NRXN1: variants seen among roughly 807,000 people sequenced by gnomAD.
NRXN1 encodes the protein neurexin 1.
In NRXN1, 39 loss-of-function variants were observed where a neutral mutation model predicts 150.9. The observed-to-expected ratio is 0.26, with a 90% CI of 0.20 to 0.34. The LOEUF (loss-of-function observed/expected upper bound fraction) is 0.34. Ranked by LOEUF, NRXN1 falls within the 10% of genes least tolerant of loss-of-function variation. NRXN1 has a pLI of 1.00. For missense variants in NRXN1, 1,815 were observed against 1,949.9 expected, an observed-to-expected ratio of 0.93 and a Z score of 1.30; for synonymous variants, 924 against 757.0, an observed-to-expected ratio of 1.22 and a Z score of -3.62.
chr2:50,839,200 A>C (rs947372467), intron 5 of NRXN1, among the ~76,000 whole-genome samples: 6 of 152,162 alleles, frequency 3.9e-5, no homozygotes, highest in South Asian at 2.1e-4. Flanking sequence ...CTAAGTAGCC[A>C]TGCTCCAATT....
At chr2:50,306,471 A>T (rs963016782) in intron 17 of NRXN1, among the ~76,000 whole-genome samples, 2 of 152,198 alleles carry the variant, frequency 1.3e-5, no homozygotes, top group Non-Finnish European at 2.9e-5. Context: ...TTTGTCATTC[A>T]GAGGAGAAGC....
intron 17 of NRXN1, among the ~76,000 whole-genome samples, chr2:50,350,184 C>G (rs1402339749): frequency 1.3e-5 from 2 of 152,112 alleles, no homozygotes; most frequent in African/African-American, 4.8e-5. Context: ...ATAATGACAC[C>G]TTCCTTAATA....
intron 21 of NRXN1, among the ~76,000 whole-genome samples, chr2:50,003,593 A>G (rs1465609195): frequency 6.6e-6 from 1 of 152,170 alleles, no homozygotes; most frequent in African/African-American, 2.4e-5. Flanking sequence ...AATGTTCAGT[A>G]TAAATGGGCA....
At chr2:50,739,034 T>C (rs546199165) in intron 5 of NRXN1, among the ~76,000 whole-genome samples, 55 of 152,296 alleles carry the variant, frequency 3.6e-4, no homozygotes, top group African/African-American at 1.1e-3. Context: ...GAATTCAAGA[T>C]TCTAAACTCT....
intron 17 of NRXN1, among the ~76,000 whole-genome samples, chr2:50,269,426 A>G (rs2069293876): frequency 6.6e-6 from 1 of 152,232 alleles, no homozygotes; most frequent in Non-Finnish European, 1.5e-5. Context: ...ATTTAAGTCC[A>G]TGATTACGTC....
At chr2:50,876,165 A>G (rs1251979420) in intron 5 of NRXN1, among the ~76,000 whole-genome samples, 1 of 151,868 alleles carries the variant, frequency 6.6e-6, no homozygotes, top group African/African-American at 2.4e-5. Context: ...CAAACTGTTG[A>G]AACTCAGAAG....
intron 2 of NRXN1, among the ~76,000 whole-genome samples, chr2:51,002,297 C>A (rs537753460): frequency 6.6e-6 from 1 of 152,018 alleles, no homozygotes; most frequent in African/African-American, 2.4e-5. Flanking sequence ...TTCTCTGACA[C>A]AATACACTAA....
intron 5 of NRXN1, among the ~76,000 whole-genome samples, chr2:50,837,016 G>C (rs543926017): frequency 5.9e-5 from 9 of 151,948 alleles, no homozygotes; most frequent in Non-Finnish European, 1.2e-4. Flanking sequence ...TTCCAAAAGA[G>C]TAAATCCCTG....
intron 1 of NRXN1, among the ~76,000 whole-genome samples, chr2:51,031,401 A>G (rs1485246822): frequency 6.6e-6 from 1 of 152,112 alleles, no homozygotes; most frequent in African/African-American, 2.4e-5. Flanking sequence ...TTCTGATATC[A>G]CACACACATA....
intron 5 of NRXN1, among the ~76,000 whole-genome samples, chr2:50,765,590 G>T (rs1702292179): frequency 6.6e-6 from 1 of 152,014 alleles, no homozygotes; most frequent in South Asian, 2.1e-4. Context: ...TGAAGAGAGT[G>T]CACTATAGGA....
intron 22 of NRXN1, among the ~76,000 whole-genome samples, chr2:49,937,076 T>A (rs148030589): frequency 6.6e-6 from 1 of 152,208 alleles, no homozygotes. Context: ...CATCTCTTCG[T>A]AATATAAACA....
chr2:50,229,825 ATAGT>A (rs1319672286), intron 18 of NRXN1, among the ~76,000 whole-genome samples: 4 of 152,078 alleles, frequency 2.6e-5, no homozygotes, highest in South Asian at 2.1e-4. Context: ...CTTTTGAAAA[ATAGT>A]TAGTAGCTAT....
intron 2 of NRXN1, among the ~76,000 whole-genome samples, chr2:50,984,140 T>A (rs1697303896): frequency 7.6e-6 from 1 of 131,546 alleles, no homozygotes; most frequent in African/African-American, 2.9e-5. Flanking sequence ...GCTAATTTTT[T>A]TTTTTTTTTT....
At chr2:50,835,066 A>C (rs1386565982) in intron 5 of NRXN1, among the ~76,000 whole-genome samples, 1 of 152,202 alleles carries the variant, frequency 6.6e-6, no homozygotes, top group Non-Finnish European at 1.5e-5. Flanking sequence ...TAATATAGAC[A>C]ACCTCAGACA....
chr2:49,959,776 T>C (rs1675592943), intron 21 of NRXN1, among the ~76,000 whole-genome samples: 1 of 152,204 alleles, frequency 6.6e-6, no homozygotes, highest in Admixed American at 6.5e-5. Flanking sequence ...TATTATCACC[T>C]TCATTATTAT....
intron 5 of NRXN1, among the ~76,000 whole-genome samples, chr2:50,683,016 T>C (rs1365915393): frequency 6.6e-6 from 1 of 151,988 alleles, no homozygotes; most frequent in Non-Finnish European, 1.5e-5. Context: ...AATCAACCAT[T>C]GAGGGCCTAC....
intron 21 of NRXN1, among the ~76,000 whole-genome samples, chr2:49,969,336 A>T (rs962305376): frequency 1.3e-5 from 2 of 152,078 alleles, no homozygotes; most frequent in African/African-American, 4.8e-5. Flanking sequence ...AACTGGTCCA[A>T]AAAGCACATC....
chr2:50,673,497 A>G (rs922624445), intron 5 of NRXN1, among the ~76,000 whole-genome samples: 2 of 152,110 alleles, frequency 1.3e-5, no homozygotes, highest in African/African-American at 4.8e-5. Flanking sequence ...CATTCTATGC[A>G]GAATACAAGA....
intron 18 of NRXN1, among the ~76,000 whole-genome samples, chr2:50,135,841 A>C (rs1706323051): frequency 6.6e-6 from 1 of 152,234 alleles, no homozygotes; most frequent in Admixed American, 6.5e-5. Context: ...TTTTCAGTCA[A>C]ATAATTCTAC....
Sources: gnomAD v4.1 joint callset for allele counts (sites outside exome capture counted in the v4.1 genomes callset) on GRCh38, gnomAD v4.1.1 for gene constraint, MANE v1.5 for transcripts, NCBI Gene and HGNC (gene_info 2026-07-23, HGNC 2026-07-21) for gene names.